DLG2: variants seen among roughly 807,000 people sequenced by gnomAD.
The protein encoded by DLG2 is discs large MAGUK scaffold protein 2, also known as disks large homolog 2.
In DLG2, 45 loss-of-function variants were observed where a neutral mutation model predicts 132.5. That is an observed-to-expected ratio of 0.34 (90% CI 0.27 to 0.44). The LOEUF is 0.44. Among genes scored for constraint, DLG2 ranks in the 20% least tolerant of loss-of-function variants. The pLI is 1.00. For missense variants in DLG2, 1,045 were observed against 1,196.9 expected (o/e 0.87, Z 1.87); for synonymous variants, 424 against 419.6 (o/e 1.01, Z -0.13).
At chr11:84,770,874 C>A (rs1037980286) in intron 6 of DLG2, among the ~76,000 whole-genome samples, 1 of 151,734 alleles carries the variant, frequency 6.6e-6, no homozygotes, top group Non-Finnish European at 1.5e-5. Flanking sequence ...GTCTCAATCT[C>A]CTGACCCTCG....
At chr11:85,140,323 T>C (rs1414359048) in intron 5 of DLG2, among the ~76,000 whole-genome samples, 2 of 151,992 alleles carry the variant, frequency 1.3e-5, no homozygotes. Flanking sequence ...CCAACATTTG[T>C]CATCTTTTGA....
At chr11:84,871,917 C>T (rs748765151) in intron 6 of DLG2, among the ~76,000 whole-genome samples, 4 of 152,084 alleles carry the variant, frequency 2.6e-5, no homozygotes, top group Admixed American at 6.6e-5. Context: ...TCAGGTGATC[C>T]GCCTACCTCT....
rs58945482 is a variant in DLG2, at chr11:84,928,982, G to GTATATA, written c.357+182673_357+182678dup. On this transcript the variant is annotated intron_variant, in intron 6 of 27. Transcript: ENST00000376104. ...TATGTGTGTGTGTGTGTGTGTGTGT[G>GTATATA]TATATATATATATATATATATATAT... Among the ~76,000 whole-genome samples, 116 of 49,094 alleles carry GTATATA rather than the reference G, an allele frequency of 2.4e-3. 3 individuals carry two copies. Among genetic ancestry groups the GTATATA allele is most frequent in the African/African-American group, 7.8e-3 (86 of 11,092 alleles). The allele number at this position is 49,094 out of a possible 152,430, so 32.2% of individuals were successfully genotyped here.
chr11:85,286,287 T>C (rs559462422), intron 3 of DLG2, among the ~76,000 whole-genome samples: 2 of 152,258 alleles, frequency 1.3e-5, no homozygotes, highest in South Asian at 4.1e-4. Context: ...AGTTTCTTAC[T>C]GTTCTATAGA....
chr11:84,484,717 A>C (rs940215342), intron 7 of DLG2, among the ~76,000 whole-genome samples: 2 of 152,118 alleles, frequency 1.3e-5, no homozygotes, highest in Non-Finnish European at 2.9e-5. Flanking sequence ...TTGCAAAATA[A>C]AAAGCTTGAT....
At chr11:85,245,445 T>G (rs746436069) in intron 4 of DLG2, among the ~76,000 whole-genome samples, 2 of 151,932 alleles carry the variant, frequency 1.3e-5, no homozygotes, top group Non-Finnish European at 2.9e-5. Context: ...TTAGGAAATA[T>G]TTTGACTTTA....
At chr11:85,107,323 A>C (rs1245723623) in intron 6 of DLG2, among the ~76,000 whole-genome samples, 1 of 152,056 alleles carries the variant, frequency 6.6e-6, no homozygotes, top group East Asian at 1.9e-4. Flanking sequence ...TGCATGTCTA[A>C]TTGATAAAAC....
chr11:83,555,711 C>T (rs548033667), intron 19 of DLG2, among the ~76,000 whole-genome samples: 1 of 152,298 alleles, frequency 6.6e-6, no homozygotes, highest in East Asian at 1.9e-4. Context: ...CTCTTCCACT[C>T]CAACTGCAGA....
At chr11:85,078,915 A>G (rs1262973808) in intron 6 of DLG2, among the ~76,000 whole-genome samples, 5 of 152,122 alleles carry the variant, frequency 3.3e-5, no homozygotes. Flanking sequence ...TAATCAATTT[A>G]GAAGTTTATT....
At chr11:84,628,686 C>T (rs1183674733) in intron 6 of DLG2, among the ~76,000 whole-genome samples, 1 of 152,168 alleles carries the variant, frequency 6.6e-6, no homozygotes, top group Non-Finnish European at 1.5e-5. Context: ...AGCCTCTCTA[C>T]TTTCATGACA....
chr11:84,970,438 A>C (rs1341899826), intron 6 of DLG2, among the ~76,000 whole-genome samples: 3 of 152,160 alleles, frequency 2.0e-5, no homozygotes, highest in African/African-American at 7.2e-5. Flanking sequence ...CCATAACAAA[A>C]TACCATAAAC....
intron 3 of DLG2, among the ~76,000 whole-genome samples, chr11:85,544,569 A>T (rs56737296): frequency 0.21 from 31,655 of 152,100 alleles, 3,795 homozygotes; most frequent in African/African-American, 0.31. Context: ...CTGAATCTAT[A>T]AATTACTTTG....
At chr11:84,156,167 A>G (rs1165426835) in intron 9 of DLG2, among the ~76,000 whole-genome samples, 1 of 152,118 alleles carries the variant, frequency 6.6e-6, no homozygotes, top group East Asian at 1.9e-4. Context: ...AATTCCACAA[A>G]TTCCTTTTAC....
intron 9 of DLG2, among the ~76,000 whole-genome samples, chr11:84,121,457 C>A (rs10792723): frequency 0.74 from 112,198 of 151,544 alleles, 42,928 homozygotes; most frequent in Middle Eastern, 0.88. Flanking sequence ...ATATTTTCTC[C>A]TCCTTTTTAA....
chr11:85,428,420 AAACT>A (rs1177904386), intron 3 of DLG2, among the ~76,000 whole-genome samples: 4 of 152,212 alleles, frequency 2.6e-5, no homozygotes, highest in South Asian at 4.1e-4. Flanking sequence ...AAATTATAAC[AAACT>A]GTCTCTCAGA....
rs1460977507 is a variant in DLG2, at chr11:83,455,355, A to C, written c.*4463T>G. 6.6e-6 allele frequency: 1 copy of C among 152,550 alleles called. No individual in the cohort carries two copies. The highest frequency in any genetic ancestry group is 6.5e-5 in the Admixed American group (1 of 15,276). The allele number at this position is 152,550 out of a possible 1,614,324, so 9.4% of individuals were successfully genotyped here. On this transcript the variant is annotated 3_prime_UTR_variant, in exon 28 of 28. Coordinates refer to ENST00000376104, the MANE Select transcript of DLG2 (RefSeq NM_001142699.3). ...GTGGAGAAACATCCTGTCAGAGAGA[A>C]GCACAAAACTGTCATATTGAAAGGA...
chr11:85,177,914 GA>G (rs2079414603), intron 4 of DLG2, among the ~76,000 whole-genome samples: 2 of 151,394 alleles, frequency 1.3e-5, no homozygotes, highest in South Asian at 2.1e-4. Flanking sequence ...GGAAATAGCA[GA>G]AAAAAAATTA....
chr11:85,550,424 G>A (rs887402318), intron 3 of DLG2, among the ~76,000 whole-genome samples: 3 of 152,246 alleles, frequency 2.0e-5, no homozygotes, highest in African/African-American at 7.2e-5. Context: ...TGCTTACTCT[G>A]GTTCCTGCAC....
At chr11:83,673,922 C>T (rs1181725997) in intron 18 of DLG2, among the ~76,000 whole-genome samples, 2 of 152,234 alleles carry the variant, frequency 1.3e-5, no homozygotes, top group African/African-American at 4.8e-5. Context: ...TCTGCCCTAT[C>T]CAAATCCCTG....
Sources: allele counts gnomAD v4.1 joint callset (sites outside exome capture counted in the v4.1 genomes callset), GRCh38; gene constraint gnomAD v4.1.1; transcripts MANE v1.5; gene names NCBI Gene and HGNC (gene_info 2026-07-23, HGNC 2026-07-21).